Variants in DISP1 observed in about 807,000 individuals in gnomAD.
DISP1 encodes the protein protein dispatched homolog 1.
DISP1 carries 30 observed loss-of-function variants against 37.3 expected under a neutral mutation model. The ratio of observed to expected loss-of-function variants is 0.80; its 90% confidence interval spans 0.60 to 1.09. The LOEUF is 1.09. Ranked by LOEUF, DISP1 falls within the 50% of genes least tolerant of loss-of-function variation. DISP1 has a pLI of 0.00. For synonymous variants in DISP1, 634 were observed against 690.2 expected (o/e 0.92, Z 1.28); for missense variants, 1,598 against 1,879.5 (o/e 0.85, Z 2.77).
intron 3 of DISP1, among the ~76,000 whole-genome samples, chr1:222,973,824 G>A (rs1324966121): frequency 6.6e-6 from 1 of 152,138 alleles, no homozygotes; most frequent in African/African-American, 2.4e-5. Flanking sequence ...TTCCTTTTCA[G>A]TATGTGGCCA....
intron 2 of DISP1, among the ~76,000 whole-genome samples, chr1:222,937,217 G>C (rs1241530663): frequency 6.6e-6 from 1 of 150,378 alleles, no homozygotes; most frequent in Non-Finnish European, 1.5e-5. Context: ...AGCCTCCTGA[G>C]TCGCTCGGAC....
At chr1:222,875,677 A>AG (rs1188852991) in intron 1 of DISP1, among the ~76,000 whole-genome samples, 1 of 149,222 alleles carries the variant, frequency 6.7e-6, no homozygotes, top group Non-Finnish European at 1.5e-5. Context: ...AAAAAAAAAA[A>AG]TTAGCCATAT....
At chr1:222,911,847 C>T (rs1338374518) in intron 1 of DISP1, among the ~76,000 whole-genome samples, 5 of 152,124 alleles carry the variant, frequency 3.3e-5, no homozygotes, top group Non-Finnish European at 7.3e-5. Context: ...GTTTTCATGT[C>T]AAACTTGTAA....
At position 222,997,600 on chromosome 1, in the gene DISP1, G is replaced by A. The variant is rs555145047; in HGVS notation, c.987+2618G>A. 5.3e-5 allele frequency among the ~76,000 whole-genome samples: 8 copies of A among 152,226 alleles called. 1 individual carries two copies. Among genetic ancestry groups the A allele is most frequent in the Admixed American group, 5.2e-4 (8 of 15,288 alleles). ...AATGGAATCTATGTGGCTTTCTAAT[G>A]GTTTAGCTTGTTGCATTTGCATAAT... On this transcript the variant is annotated intron_variant, in intron 8 of 8. Transcript: ENST00000675850.
intron 1 of DISP1, among the ~76,000 whole-genome samples, chr1:222,870,034 G>A (rs1209723812): frequency 6.6e-6 from 1 of 151,816 alleles, no homozygotes. Flanking sequence ...ATGAGAACAT[G>A]CGGTGTTTGG....
At chr1:222,990,813 G>A (rs1473506782) in intron 5 of DISP1, 65 bp downstream of exon 5, 1 of 1,586,198 alleles carries the variant, frequency 6.3e-7, no homozygotes, top group East Asian at 2.2e-5. Flanking sequence ...TTTAATACAT[G>A]TTGCATTATG....
chr1:222,846,406 G>T lies in DISP1; in HGVS notation c.-159+31328G>T, dbSNP rs568782169. 2.6e-5 allele frequency among the ~76,000 whole-genome samples: 4 copies of T among 152,282 alleles called. 1 individual carries two copies. Among genetic ancestry groups the T allele is most frequent in the African/African-American group, 9.6e-5 (4 of 41,578 alleles). On this transcript the variant is annotated intron_variant, in intron 1 of 8. Transcript: ENST00000675850. ...CTCGGGAGGCTGAGGCAGGAGAATC[G>T]CTTGAACCCGGGAGGCAGAGGTTGT...
intron 3 of DISP1, among the ~76,000 whole-genome samples, chr1:222,960,250 A>G (rs1033305771): frequency 6.6e-6 from 1 of 152,218 alleles, no homozygotes; most frequent in Admixed American, 6.5e-5. Context: ...GCAAATGCAG[A>G]AGAACTGAAA....
chr1:222,982,996 C>A, intron 3 of DISP1, 84 bp from the exon 4 acceptor site: 1 of 997,990 alleles, frequency 1.0e-6, no homozygotes, highest in Non-Finnish European at 1.5e-6. Context: ...AAATGTTCAA[C>A]ACATATGTAA....
intron 1 of DISP1, chr1:222,827,515 C>T (rs964122045): frequency 1.3e-5 from 2 of 152,162 alleles, no homozygotes; most frequent in Admixed American, 1.3e-4. Context: ...AATTTCTAAA[C>T]TCACGAAATA....
intron 1 of DISP1, among the ~76,000 whole-genome samples, chr1:222,859,599 T>G (rs1464309885): frequency 1.3e-5 from 2 of 152,226 alleles, no homozygotes; most frequent in African/African-American, 2.4e-5. Context: ...ATAAAGGCTC[T>G]TGGATATTTC....
intron 1 of DISP1, among the ~76,000 whole-genome samples, chr1:222,826,626 G>A (rs1230517901): frequency 6.6e-6 from 1 of 151,716 alleles, no homozygotes; most frequent in Non-Finnish European, 1.5e-5. Flanking sequence ...TGGGTCAAAC[G>A]AGCCTCCTGC....
chr1:223,003,518 A>G lies in DISP1; in HGVS notation c.2121A>G (p.Glu707=). 6.2e-7 allele frequency: 1 copy of G among 1,614,224 alleles called. No individual in the cohort carries two copies. The highest frequency in any genetic ancestry group is 8.5e-7 in the Non-Finnish European group (1 of 1,180,054). ...CAGAAGCATCTCGAATTTTTTTCGA[A>G]AAAGTATTGCCATGCATTGTCATTA... The part of the protein sequence containing the change: ...AISEASRIFF[E]KVLPCIVIKF... The change falls in exon 9 of 9, where the codon GAA becomes GAG. Residue 707 remains glutamate (E), a synonymous_variant. Coordinates refer to ENST00000675850, the MANE Select transcript of DISP1 (RefSeq NM_001377229.1). The surrounding 1 kb of genome is among the most constrained non-coding windows in gnomAD (Gnocchi z 4.3).
intron 3 of DISP1, among the ~76,000 whole-genome samples, chr1:222,944,422 A>C (rs1222052762): frequency 6.8e-6 from 1 of 147,298 alleles, no homozygotes; most frequent in Non-Finnish European, 1.5e-5. Flanking sequence ...CTAGAGACCT[A>C]GTATTAGTTC....
At chr1:222,912,132 T>G (rs907713256) in intron 1 of DISP1, among the ~76,000 whole-genome samples, 1 of 152,194 alleles carries the variant, frequency 6.6e-6, no homozygotes, top group African/African-American at 2.4e-5. Context: ...CTAATGTGCT[T>G]TAACCAAGTT....
chr1:222,861,940 T>A (rs1046389431), intron 1 of DISP1, among the ~76,000 whole-genome samples: 8 of 151,544 alleles, frequency 5.3e-5, no homozygotes, highest in African/African-American at 1.5e-4. Context: ...TGTGTTTTTT[T>A]ATAGTACATT....
intron 3 of DISP1, among the ~76,000 whole-genome samples, chr1:222,973,103 G>A (rs1233124781): frequency 1.3e-5 from 2 of 152,168 alleles, no homozygotes; most frequent in East Asian, 1.9e-4. Context: ...CTAAATTAGA[G>A]TTAGCCAGGA....
intron 1 of DISP1, among the ~76,000 whole-genome samples, chr1:222,925,551 CT>C (rs1673032747): frequency 6.6e-6 from 1 of 152,078 alleles, no homozygotes; most frequent in Non-Finnish European, 1.5e-5. Context: ...GGATTGACTC[CT>C]TTAATATATT....
intron 3 of DISP1, among the ~76,000 whole-genome samples, chr1:222,980,409 A>AAG (rs1677744375): frequency 1.6e-5 from 1 of 61,214 alleles, no homozygotes; most frequent in African/African-American, 4.6e-5. Context: ...TGATGTAACA[A>AAG]AGTGTGTGTG....
Sources: gnomAD v4.1 joint callset for allele counts (sites outside exome capture counted in the v4.1 genomes callset) on GRCh38, gnomAD v4.1.1 for gene constraint, Gnocchi (gnomAD v3.1) non-coding constraint, MANE v1.5 for transcripts, NCBI Gene and HGNC (gene_info 2026-07-23, HGNC 2026-07-21) for gene names.